The following AGBL4 variants were observed in gnomAD, a reference collection of about 807,000 sequenced individuals.
AGBL4 encodes cytosolic carboxypeptidase 6.
AGBL4 carries 58 observed loss-of-function variants against 66.4 expected under a neutral mutation model. The ratio of observed to expected loss-of-function variants is 0.87; its 90% CI spans 0.71 to 1.09. The LOEUF is 1.09. AGBL4 is among the 50% of genes least tolerant of loss of function. The pLI, the probability that AGBL4 is intolerant of heterozygous loss-of-function variation, is 0.00. For synonymous variants in AGBL4, 234 were observed against 222.9 expected (o/e 1.05, Z -0.44); for missense variants, 579 against 631.0 (o/e 0.92, Z 0.88).
intron 4 of AGBL4, among the ~76,000 whole-genome samples, chr1:49,211,136 C>T (rs528416776): frequency 2.0e-5 from 3 of 152,178 alleles, no homozygotes; most frequent in East Asian, 1.9e-4. Context: ...CATGTAATTG[C>T]TTTTAAAATG....
intron 4 of AGBL4, among the ~76,000 whole-genome samples, chr1:49,140,307 T>C (rs567969895): frequency 8.6e-4 from 131 of 152,328 alleles, no homozygotes; most frequent in African/African-American, 2.3e-3. Context: ...GATAAGGAAA[T>C]CTAGGCCTGA....
At chr1:50,021,742 C>T (rs1033204670) in intron 1 of AGBL4, among the ~76,000 whole-genome samples, 1 of 152,120 alleles carries the variant, frequency 6.6e-6, no homozygotes, top group African/African-American at 2.4e-5. Flanking sequence ...AGAGTATATC[C>T]TATATCCACT....
At chr1:49,700,556 T>C (rs1647071950) in intron 2 of AGBL4, among the ~76,000 whole-genome samples, 1 of 152,100 alleles carries the variant, frequency 6.6e-6, no homozygotes, top group African/African-American at 2.4e-5. Context: ...AACTAAATAA[T>C]ATACATTCTT....
chr1:48,874,092 C>T (rs932467990), intron 5 of AGBL4, among the ~76,000 whole-genome samples: 1 of 152,156 alleles, frequency 6.6e-6, no homozygotes, highest in Admixed American at 6.5e-5. Context: ...AATAAGAACA[C>T]CAGTAATCCC....
At chr1:49,207,028 T>C (rs1358929610) in intron 4 of AGBL4, among the ~76,000 whole-genome samples, 3 of 152,088 alleles carry the variant, frequency 2.0e-5, no homozygotes, top group East Asian at 3.9e-4. Flanking sequence ...GATCTCAAGA[T>C]GAATGCACTA....
At chr1:48,593,073 T>C (rs1411296398) in intron 9 of AGBL4, among the ~76,000 whole-genome samples, 1 of 152,146 alleles carries the variant, frequency 6.6e-6, no homozygotes, top group Non-Finnish European at 1.5e-5. Flanking sequence ...AAATAATTTA[T>C]AGTAAAAAAA....
At position 49,919,572 on chromosome 1, in the gene AGBL4, G is replaced by C. The variant is rs577179084; in HGVS notation, c.35-68054C>G. Among the ~76,000 whole-genome samples the C allele has an allele frequency of 7.6e-4, 116 of 151,996 alleles. 2 individuals carry two copies. Among genetic ancestry groups the C allele is most frequent in the South Asian group, 4.2e-3 (20 of 4,794 alleles). ...CTTCAAGGAGAACTACAAACCACTG[G>C]TCAAGGAAATAAAAGAGGATACAAA... is the stretch of plus-strand genomic sequence containing the variant. On this transcript the variant is annotated intron_variant, in intron 1 of 13. Transcript: ENST00000371839.
chr1:49,977,618 T>C (rs1190004870), intron 1 of AGBL4, among the ~76,000 whole-genome samples: 1 of 152,234 alleles, frequency 6.6e-6, no homozygotes, highest in Non-Finnish European at 1.5e-5. Context: ...TGTTCTCTTC[T>C]CTCACCTTCC....
intron 4 of AGBL4, among the ~76,000 whole-genome samples, chr1:49,164,011 C>A (rs918956457): frequency 4.6e-5 from 7 of 152,060 alleles, no homozygotes; most frequent in African/African-American, 1.7e-4. Context: ...AGGTTAGAAC[C>A]ATTTTGAAGG....
intron 5 of AGBL4, among the ~76,000 whole-genome samples, chr1:48,964,153 T>C (rs1196182920): frequency 6.6e-6 from 1 of 152,114 alleles, no homozygotes; most frequent in Non-Finnish European, 1.5e-5. Flanking sequence ...CTGGGAAGGA[T>C]TGGACAAGAA....
intron 1 of AGBL4, among the ~76,000 whole-genome samples, chr1:49,896,341 C>A (rs2148179272): frequency 6.6e-6 from 1 of 152,110 alleles, no homozygotes; most frequent in African/African-American, 2.4e-5. Flanking sequence ...AGAAAATCAA[C>A]AAAGAAACTT....
chr1:50,011,754 T>C (rs1360738442), intron 1 of AGBL4, among the ~76,000 whole-genome samples: 4 of 152,214 alleles, frequency 2.6e-5, no homozygotes, highest in Non-Finnish European at 5.9e-5. Flanking sequence ...CTGGAGATCA[T>C]TATGCTAAGT....
chr1:48,537,805 A>G (rs1030012233), intron 12 of AGBL4, among the ~76,000 whole-genome samples: 1 of 152,236 alleles, frequency 6.6e-6, no homozygotes, highest in Admixed American at 6.5e-5. Flanking sequence ...GAGTTTTATA[A>G]AGCTTTAAAC....
chr1:49,265,905 T>C (rs901965738), intron 3 of AGBL4, among the ~76,000 whole-genome samples: 3 of 152,154 alleles, frequency 2.0e-5, no homozygotes, highest in Non-Finnish European at 4.4e-5. Context: ...ATCATATGTA[T>C]GATTATGCTA....
intron 3 of AGBL4, among the ~76,000 whole-genome samples, chr1:49,470,278 C>T (rs1646714630): frequency 6.6e-6 from 1 of 151,842 alleles, no homozygotes; most frequent in Non-Finnish European, 1.5e-5. Flanking sequence ...AATAATATGT[C>T]AGATTATACT....
chr1:49,526,198 T>C (rs1208002764), intron 3 of AGBL4, among the ~76,000 whole-genome samples: 2 of 152,100 alleles, frequency 1.3e-5, no homozygotes, highest in African/African-American at 4.8e-5. Context: ...TGCTGCAATG[T>C]AAGGCCTTGC....
chr1:49,353,660 C>T (rs951697123), intron 3 of AGBL4, among the ~76,000 whole-genome samples: 1 of 152,102 alleles, frequency 6.6e-6, no homozygotes, highest in African/African-American at 2.4e-5. Context: ...CTGTTTCATG[C>T]CCAATGTTGC....
intron 4 of AGBL4, among the ~76,000 whole-genome samples, chr1:49,169,402 G>A (rs1233083329): frequency 1.3e-5 from 2 of 152,142 alleles, no homozygotes; most frequent in Admixed American, 1.3e-4. Flanking sequence ...ATAAGGGCTT[G>A]CATTTTTCTG....
chr1:48,574,425 AC>A (rs1644616594), intron 11 of AGBL4, among the ~76,000 whole-genome samples: 1 of 152,164 alleles, frequency 6.6e-6, no homozygotes, highest in Non-Finnish European at 1.5e-5. Flanking sequence ...TTCCGAATAC[AC>A]TTTATACACT....
Sources: gnomAD v4.1 joint callset for allele counts (sites outside exome capture counted in the v4.1 genomes callset) on GRCh38, gnomAD v4.1.1 for gene constraint, MANE v1.5 for transcripts, NCBI Gene and HGNC (gene_info 2026-07-23, HGNC 2026-07-21) for gene names.